The following AGBL1 variants were observed in gnomAD, a reference collection of about 807,000 sequenced individuals.
The protein encoded by AGBL1 is cytosolic carboxypeptidase 4.
Under a neutral mutation model 118.9 loss-of-function variants are expected in AGBL1, and 130 were observed. The observed-to-expected ratio is 1.09, with a 90% CI of 0.95 to 1.26. The LOEUF (loss-of-function observed/expected upper bound fraction) is 1.26. AGBL1 is among the 50% of genes most tolerant of loss of function. AGBL1 has a pLI of 0.00. For synonymous variants in AGBL1, 555 were observed against 478.9 expected (o/e 1.16, Z -2.08); for missense variants, 1,584 against 1,298.1 (o/e 1.22, Z -3.38).
At chr15:86,678,703 C>A (rs995582772) in intron 22 of AGBL1, among the ~76,000 whole-genome samples, 4 of 152,014 alleles carry the variant, frequency 2.6e-5, no homozygotes, top group Non-Finnish European at 5.9e-5. Flanking sequence ...AACCTGTCTA[C>A]CTCGGTTTAA....
intron 17 of AGBL1, among the ~76,000 whole-genome samples, chr15:86,329,064 G>T (rs1597735752): frequency 6.6e-6 from 1 of 152,242 alleles, no homozygotes; most frequent in African/African-American, 2.4e-5. Flanking sequence ...GCAGGCCTGG[G>T]GTGGAAGGAG....
intron 22 of AGBL1, among the ~76,000 whole-genome samples, chr15:86,693,781 G>A (rs1386538988): frequency 6.6e-6 from 1 of 152,034 alleles, no homozygotes; most frequent in African/African-American, 2.4e-5. Flanking sequence ...TATAAGGTGA[G>A]AGATGACAAT....
Position 86,554,512 on chromosome 15 carries a change from G to C in AGBL1, c.2969G>C (p.Cys990Ser). The change falls in exon 21 of 23, where the codon TGT becomes TCT. Residue 990 changes from cysteine to serine, a missense_variant. Cys to Ser is a moderately radical substitution (Grantham distance 112). Transcript: ENST00000614907. ...AGCTACACCATGGAAAGCAGCTACT[G>C]TGGCTGCAACCAGGGCCCTTATCAG... ...SRSYTMESSY[C>S]GCNQGPYQGL... The C allele has an allele frequency of 6.4e-7, 1 of 1,556,176 alleles. No individual in the cohort carries two copies. The highest frequency in any genetic ancestry group is 2.4e-5 in the East Asian group (1 of 42,396).
At chr15:86,922,102 A>G (rs1417469239) in intron 23 of AGBL1, among the ~76,000 whole-genome samples, 2 of 152,192 alleles carry the variant, frequency 1.3e-5, no homozygotes. Flanking sequence ...ATATATCCTT[A>G]AAGGTATAAC....
intron 24 of AGBL1, among the ~76,000 whole-genome samples, chr15:86,990,521 AAAAAG>A (rs1020058339): frequency 3.3e-5 from 5 of 152,140 alleles, no homozygotes; most frequent in African/African-American, 1.2e-4. Context: ...CTCAGAAAAA[AAAAAG>A]AGAAAGGTTT....
chr15:86,179,809 C>A (rs1342255201), intron 5 of AGBL1, among the ~76,000 whole-genome samples: 2 of 152,084 alleles, frequency 1.3e-5, no homozygotes, highest in Admixed American at 1.3e-4. Context: ...GGAATCTATA[C>A]ACAAAAAATT....
chr15:86,210,683 C>T (rs2078077579), intron 5 of AGBL1, among the ~76,000 whole-genome samples: 1 of 152,152 alleles, frequency 6.6e-6, no homozygotes, highest in Admixed American at 6.6e-5. Context: ...TTGAGGTTTT[C>T]TCTACACTGT....
At chr15:86,375,135 A>T (rs190079064) in intron 17 of AGBL1, among the ~76,000 whole-genome samples, 1 of 152,224 alleles carries the variant, frequency 6.6e-6, no homozygotes, top group East Asian at 1.9e-4. Context: ...GTAAGATGAT[A>T]TTTGGGCATG....
intron 23 of AGBL1, among the ~76,000 whole-genome samples, chr15:86,981,679 G>A (rs2081233014): frequency 6.6e-5 from 10 of 152,098 alleles, no homozygotes; most frequent in Admixed American, 6.5e-4. Context: ...AGTTTGAAAT[G>A]ATGGTCCTTG....
chr15:86,786,537 T>C (rs2078415472), intron 22 of AGBL1, among the ~76,000 whole-genome samples: 1 of 152,180 alleles, frequency 6.6e-6, no homozygotes, highest in Non-Finnish European at 1.5e-5. Context: ...TGCTAAAATA[T>C]CACAAATAAA....
rs58166692 is a variant in AGBL1, at chr15:86,271,043, A to ATTTTTTTTTTTTTT, written c.1988-567_1988-554dup. Among the ~76,000 whole-genome samples the ATTTTTTTTTTTTTT allele has an allele frequency of 4.5e-5, 4 of 89,062 alleles. 1 individual carries two copies. The highest frequency in any genetic ancestry group is 9.6e-5 in the African/African-American group (2 of 20,916). 58.4% of individuals were successfully genotyped at this position (89,062 alleles called of 152,430 possible). On this transcript the variant is annotated intron_variant, in intron 14 of 22. Coordinates refer to ENST00000614907, the MANE Select transcript of AGBL1 (RefSeq NM_001386094.1). ...TCTCTCTCTGCTTCAGTCACGTTGC[A>ATTTTTTTTTTTTTT]TTTTTTTTTTTTTTTTTTTTTTGGC... is the stretch of plus-strand genomic sequence containing the variant.
rs148633048 is a variant in AGBL1 at position 86,413,403 on chromosome 15, G to A, written c.2555+15857G>A. 1.6e-4 allele frequency among the ~76,000 whole-genome samples: 25 copies of A among 152,256 alleles called. No homozygotes were observed. The East Asian group carries it at 3.7e-3, about 22-fold the overall frequency. ...TAAGTTATTCATTAAGACAGATAACGCAGGATTGAGTGGTAGTTCTATTTT... is the reference window on the plus strand; with the variant it reads ...TAAGTTATTCATTAAGACAGATAACACAGGATTGAGTGGTAGTTCTATTTT... On this transcript the variant is annotated intron_variant, in intron 18 of 22. Coordinates refer to ENST00000614907, the MANE Select transcript of AGBL1 (RefSeq NM_001386094.1).
intron 21 of AGBL1, among the ~76,000 whole-genome samples, chr15:86,657,353 A>G (rs746851294): frequency 6.6e-6 from 1 of 152,082 alleles, no homozygotes; most frequent in African/African-American, 2.4e-5. Context: ...AGAGTTTCTG[A>G]TTAGTATTCA....
chr15:86,220,303 T>G (rs114530933), intron 5 of AGBL1, among the ~76,000 whole-genome samples: 2,809 of 152,252 alleles, frequency 0.018, 92 homozygotes, highest in African/African-American at 0.065. Context: ...TTAACCTTTG[T>G]GAACTTCATT....
At chr15:86,227,801 G>A (rs1373117622) in intron 6 of AGBL1, among the ~76,000 whole-genome samples, 2 of 152,242 alleles carry the variant, frequency 1.3e-5, no homozygotes, top group Non-Finnish European at 2.9e-5. Context: ...AAGGCAGAAT[G>A]TCATTGTGAG....
At chr15:86,987,159 T>C (rs1338948415) in intron 23 of AGBL1, among the ~76,000 whole-genome samples, 1 of 152,174 alleles carries the variant, frequency 6.6e-6, no homozygotes, top group East Asian at 1.9e-4. Flanking sequence ...CATTTAAATA[T>C]CCCTTCTTTT....
chr15:86,256,958 G>A lies in AGBL1; in HGVS notation c.841G>A (p.Ala281Thr). ...SPLPLVTASS[A>T]YAFPVPGCIT... ...ACTTCCCTTGGTCACAGCCAGCAGT[G>A]CCTATGCCTTCCCGGTCCCCGGGTG... Residue 281 changes from alanine (A) to threonine (T), a missense_variant, in exon 8 of 23, where the codon GCC becomes ACC. Coordinates refer to ENST00000614907, the MANE Select transcript of AGBL1 (RefSeq NM_001386094.1). 1 of 1,613,930 alleles carries A rather than the reference G, an allele frequency of 6.2e-7. No homozygotes were observed. The highest frequency in any genetic ancestry group is 8.5e-7 in the Non-Finnish European group (1 of 1,179,874).
chr15:86,344,871 C>T (rs549464176), intron 17 of AGBL1, among the ~76,000 whole-genome samples: 39 of 152,090 alleles, frequency 2.6e-4, no homozygotes, highest in Non-Finnish European at 4.0e-4. Flanking sequence ...AAAACATGGA[C>T]GGGAACTTGA....
intron 23 of AGBL1, among the ~76,000 whole-genome samples, chr15:86,929,559 T>C (rs2080581768): frequency 6.6e-6 from 1 of 151,904 alleles, no homozygotes; most frequent in South Asian, 2.1e-4. Context: ...ACTAATGCTC[T>C]GGAATGAAGA....
Sources: allele counts gnomAD v4.1 joint callset (sites outside exome capture counted in the v4.1 genomes callset), GRCh38; gene constraint gnomAD v4.1.1; transcripts MANE v1.5; gene names NCBI Gene and HGNC (gene_info 2026-07-23, HGNC 2026-07-21).